Variants in PHLDB2 observed in about 807,000 individuals in gnomAD.
PHLDB2 encodes pleckstrin homology-like domain family B member 2.
A neutral mutation model predicts 123.6 loss-of-function variants in PHLDB2; 71 were observed. The observed-to-expected ratio is 0.57, with a 90% CI of 0.47 to 0.70. The LOEUF (loss-of-function observed/expected upper bound fraction) is 0.70, where lower values mean the gene tolerates loss of function less well. PHLDB2 is among the 30% of genes least tolerant of loss of function. The pLI is 0.00. For missense variants in PHLDB2, 1,446 were observed against 1,519.5 expected (o/e 0.95, Z 0.80); for synonymous variants, 547 against 541.6 (o/e 1.01, Z -0.14).
chr3:111,736,538 A>C (rs549681405), intron 1 of PHLDB2, among the ~76,000 whole-genome samples: 2 of 152,238 alleles, frequency 1.3e-5, no homozygotes, highest in South Asian at 2.1e-4. Context: ...TGGGACTCCA[A>C]ATTTTTTGTT....
At chr3:111,862,119 G>A (rs1377923502) in intron 1 of PHLDB2, among the ~76,000 whole-genome samples, 1 of 152,348 alleles carries the variant, frequency 6.6e-6, no homozygotes, top group Non-Finnish European at 1.5e-5. Context: ...TGGGATTACA[G>A]GCATGAGCCA....
chr3:111,948,619 A>G (rs1388298829), intron 9 of PHLDB2, among the ~76,000 whole-genome samples: 1 of 152,176 alleles, frequency 6.6e-6, no homozygotes, highest in Non-Finnish European at 1.5e-5. Context: ...GTTGTTGACA[A>G]CCTTAATCCA....
In PHLDB2 at chr3:111,868,003, T is replaced by C. The variant is rs372115672; in HGVS notation, c.-15+8427T>C. The stretch of plus-strand genomic sequence containing the variant: ...GGCCTGAGCTACTGCTCCCAGCTCA[T>C]ACTTTTAAAAAAAAATGACAGGATC... On this transcript the variant is annotated intron_variant, in intron 1 of 17. Transcript: ENST00000431670. Among the ~76,000 whole-genome samples the C allele has an allele frequency of 6.7e-4, 101 of 150,310 alleles. 2 individuals carry two copies. The highest frequency in any genetic ancestry group is 1.9e-3 in the Admixed American group (29 of 15,116).
intron 12 of PHLDB2, among the ~76,000 whole-genome samples, chr3:111,956,045 A>C (rs540725169): frequency 6.6e-6 from 1 of 152,164 alleles, no homozygotes; most frequent in Admixed American, 6.5e-5. Context: ...TAATTTAAAA[A>C]TTAGCCAGGC....
At chr3:111,817,868 T>C (rs929605594) in intron 1 of PHLDB2, among the ~76,000 whole-genome samples, 3 of 152,204 alleles carry the variant, frequency 2.0e-5, no homozygotes, top group Non-Finnish European at 4.4e-5. Flanking sequence ...TGGCAATATG[T>C]CTCTTGTGGG....
chr3:111,763,738 C>G (rs1373473761), intron 1 of PHLDB2, among the ~76,000 whole-genome samples: 5 of 151,988 alleles, frequency 3.3e-5, no homozygotes, highest in Non-Finnish European at 5.9e-5. Context: ...GATTAGTGCC[C>G]TCATAAAAGA....
chr3:111,884,181 T>C lies in PHLDB2; in HGVS notation c.104T>C (p.Met35Thr). 1 of 1,614,180 alleles carries C rather than the reference T, an allele frequency of 6.2e-7. No homozygotes were observed. The highest frequency in any genetic ancestry group is 8.5e-7 in the Non-Finnish European group (1 of 1,180,026). The change falls in exon 2 of 18, where the codon ATG becomes ACG. Residue 35 changes from methionine (M) to threonine (T), a missense_variant. This residue lies in a region of PHLDB2 where 832 missense variants were observed against 831.9 expected (regional missense o/e 1.00). Transcript: ENST00000431670. ...HSVENDSQNMMESLSPKKYSS... is the reference protein window; with the variant it reads ...HSVENDSQNMTESLSPKKYSS... ...GTTGAGAACGATTCCCAAAACATGATGGAGAGCCTCAGCCCAAAGAAATAC... is the reference window on the plus strand; with the variant it reads ...GTTGAGAACGATTCCCAAAACATGACGGAGAGCCTCAGCCCAAAGAAATAC...
chr3:111,782,250 G>T (rs3922703), intron 1 of PHLDB2, among the ~76,000 whole-genome samples: 7,429 of 152,138 alleles, frequency 0.049, 245 homozygotes, highest in Middle Eastern at 0.071. Flanking sequence ...AACAACCTTA[G>T]TTATACATGG....
rs80002630 is a variant in PHLDB2 at position 111,897,298 on chromosome 3, A to G, written c.1335+11886A>G. On this transcript the variant is annotated intron_variant, in intron 2 of 17. Coordinates refer to ENST00000431670, the MANE Select transcript of PHLDB2 (RefSeq NM_001134438.2). Reference sequence around the variant, plus strand: ...GATACATGAGGCAAAGGGAAATCCCAGAGACACACTTCTGTGTGTTTCGTT... The same window carrying G: ...GATACATGAGGCAAAGGGAAATCCCGGAGACACACTTCTGTGTGTTTCGTT... 0.013 allele frequency among the ~76,000 whole-genome samples: 1,991 copies of G among 152,342 alleles called. 92 individuals are homozygous for G. In the South Asian group the frequency reaches 0.14, roughly 11 times the overall value.
At chr3:111,962,929 C>CAAAAAAAAA (rs57625439) in intron 13 of PHLDB2, among the ~76,000 whole-genome samples, 3 of 93,818 alleles carry the variant, frequency 3.2e-5, no homozygotes, top group Non-Finnish European at 4.3e-5. Flanking sequence ...AACTCCATCT[C>CAAAAAAAAA]AAAAAAAAAA....
chr3:111,780,387 A>G (rs994087531), intron 1 of PHLDB2, among the ~76,000 whole-genome samples: 12 of 48,698 alleles, frequency 2.5e-4, no homozygotes, highest in East Asian at 5.5e-3. Flanking sequence ...AAGAAGAAGA[A>G]GAAGAAGAAG....
intron 1 of PHLDB2, among the ~76,000 whole-genome samples, chr3:111,783,153 G>A (rs1260075063): frequency 6.6e-6 from 1 of 151,984 alleles, no homozygotes; most frequent in African/African-American, 2.4e-5. Context: ...CAGTTCCAAA[G>A]TCCATGGCTT....
chr3:111,963,625 A>G (rs1185023746), intron 13 of PHLDB2, among the ~76,000 whole-genome samples: 2 of 152,202 alleles, frequency 1.3e-5, no homozygotes, highest in Non-Finnish European at 2.9e-5. Context: ...GTGAAGGGCA[A>G]ATGTACCCAC....
At chr3:111,839,254 A>G (rs2063558833) in intron 1 of PHLDB2, among the ~76,000 whole-genome samples, 1 of 152,214 alleles carries the variant, frequency 6.6e-6, no homozygotes, top group South Asian at 2.1e-4. Context: ...ATGTTCCTAG[A>G]TTGCATTCTA....
chr3:111,735,296 G>A (rs1389623574), intron 1 of PHLDB2, among the ~76,000 whole-genome samples: 2 of 152,174 alleles, frequency 1.3e-5, no homozygotes, highest in African/African-American at 4.8e-5. Context: ...AGAGACCCAT[G>A]TCGGCTTGGA....
At chr3:111,786,296 C>A (rs1445883963) in intron 1 of PHLDB2, among the ~76,000 whole-genome samples, 1 of 152,184 alleles carries the variant, frequency 6.6e-6, no homozygotes, top group Non-Finnish European at 1.5e-5. Context: ...GTGCTTAGCA[C>A]AGATGCAGTT....
At chr3:111,851,508 G>C (rs1017546615) in intron 2 of PHLDB2, among the ~76,000 whole-genome samples, 5 of 152,130 alleles carry the variant, frequency 3.3e-5, no homozygotes, top group Non-Finnish European at 7.4e-5. Flanking sequence ...TCTTAATTGT[G>C]GCCCTAATGA....
In PHLDB2 at chr3:111,759,383, T is replaced by C. The variant is rs529812971; in HGVS notation, c.-49+26680T>C. Among the ~76,000 whole-genome samples the C allele has an allele frequency of 8.0e-4, 122 of 152,354 alleles. 1 individual carries two copies. The highest frequency in any genetic ancestry group is 2.6e-3 in the African/African-American group (110 of 41,584). ...TTTGTAAGGGTACCAATCCTATTCA[T>C]GAGAGTTTCAGCCTTACCCAAAGGC... On this transcript the variant is annotated intron_variant, in intron 1 of 17. Transcript: ENST00000393923.
intron 2 of PHLDB2, among the ~76,000 whole-genome samples, chr3:111,899,878 T>C (rs1403342095): frequency 6.6e-6 from 1 of 152,226 alleles, no homozygotes; most frequent in Non-Finnish European, 1.5e-5. Context: ...AGTGCTGGGA[T>C]TACAGGAGTG....
Sources: gnomAD v4.1 joint callset for allele counts (sites outside exome capture counted in the v4.1 genomes callset) on GRCh38, gnomAD v4.1.1 for gene constraint, gnomAD v4.1.1 regional missense constraint, MANE v1.5 for transcripts, NCBI Gene and HGNC (gene_info 2026-07-23, HGNC 2026-07-21) for gene names.